Variants in FAP observed in about 807,000 individuals in gnomAD.
The protein encoded by FAP is fibroblast activation protein alpha.
Under a neutral mutation model 126.5 loss-of-function variants are expected in FAP, and 110 were observed. The observed-to-expected ratio is 0.87, with a 90% confidence interval of 0.74 to 1.02. The LOEUF is 1.02. FAP is among the 50% of genes least tolerant of loss of function. FAP has a pLI of 0.00. For synonymous variants in FAP, 334 were observed against 297.3 expected, an observed-to-expected ratio of 1.12 and a Z score of -1.27; for missense variants, 919 against 909.2, an observed-to-expected ratio of 1.01 and a Z score of -0.14.
At chr2:162,225,233 G>A (rs1689587936) in intron 4 of FAP, among the ~76,000 whole-genome samples, 1 of 152,110 alleles carries the variant, frequency 6.6e-6, no homozygotes, top group African/African-American at 2.4e-5. Context: ...CTGACACTAA[G>A]GACTGAGTTC....
At chr2:162,220,521 A>G (rs376935417) in intron 6 of FAP, among the ~76,000 whole-genome samples, 1 of 152,236 alleles carries the variant, frequency 6.6e-6, no homozygotes, top group East Asian at 1.9e-4. Flanking sequence ...ATAAGATGCC[A>G]TTTGACAATC....
At chr2:162,222,421 G>T (rs1689446946) in intron 6 of FAP, among the ~76,000 whole-genome samples, 1 of 152,164 alleles carries the variant, frequency 6.6e-6, no homozygotes, top group Non-Finnish European at 1.5e-5. Flanking sequence ...ACTTTAAAAA[G>T]CAGTTCCTGT....
In FAP at chr2:162,215,970, A is replaced by C; in HGVS notation, c.794T>G (p.Phe265Cys). ...CGCAGGGTAAGTGGTATCGATAATA[A>C]ATATCCGAACAACGGGATTCTTAGC... Reference protein sequence around the residue: ...AGAKNPVVRIFIIDTTYPAYV... With the variant: ...AGAKNPVVRICIIDTTYPAYV... The change falls in exon 10 of 26, where the codon TTT (phenylalanine) becomes TGT (cysteine). Residue 265 changes from phenylalanine to cysteine, a missense_variant. Physicochemically the swap from Phe to Cys is radical, Grantham distance 205. Coordinates refer to ENST00000188790, the MANE Select transcript of FAP (RefSeq NM_004460.5). The C allele has an allele frequency of 1.9e-6, 3 of 1,614,118 alleles. No individual in the cohort carries two copies. The highest frequency in any genetic ancestry group is 2.5e-6 in the Non-Finnish European group (3 of 1,179,970).
At chr2:162,231,366 TG>T (rs1291927452) in intron 2 of FAP, among the ~76,000 whole-genome samples, 1 of 152,230 alleles carries the variant, frequency 6.6e-6, no homozygotes, top group Non-Finnish European at 1.5e-5. Flanking sequence ...TAATATTAAA[TG>T]TAATTACTTG....
intron 17 of FAP, among the ~76,000 whole-genome samples, chr2:162,193,253 A>C (rs573915448): frequency 3.1e-4 from 47 of 152,356 alleles, no homozygotes; most frequent in African/African-American, 9.9e-4. Context: ...GTACCACATT[A>C]AAATCTTTGG....
rs116821857 is a variant in FAP, at chr2:162,204,117, A to G, written c.1048-972T>C. 2.4e-3 allele frequency among the ~76,000 whole-genome samples: 361 copies of G among 152,246 alleles called. 1 individual carries two copies. Among genetic ancestry groups the G allele is most frequent in the African/African-American group, 8.3e-3 (347 of 41,558 alleles). ...CCTCCACATGAGAACTGCATCAAGC[A>G]ACAACAACAAAAAGCTACTAGTATC... is the stretch of plus-strand genomic sequence containing the variant. On this transcript the variant is annotated intron_variant, in intron 12 of 25. Transcript: ENST00000188790.
chr2:162,179,020 C>T (rs1234074514), intron 21 of FAP, among the ~76,000 whole-genome samples: 1 of 152,138 alleles, frequency 6.6e-6, no homozygotes, highest in Non-Finnish European at 1.5e-5. Context: ...TACTACTCTC[C>T]TAGCCCCTTG....
intron 6 of FAP, among the ~76,000 whole-genome samples, chr2:162,220,715 C>T (rs1689352993): frequency 6.6e-6 from 1 of 152,216 alleles, no homozygotes; most frequent in African/African-American, 2.4e-5. Flanking sequence ...TCTGCAAGCA[C>T]TCAAGTGACT....
intron 3 of FAP, 86 bp from the exon 4 acceptor site, chr2:162,225,663 G>A: frequency 7.4e-7 from 1 of 1,359,468 alleles, no homozygotes; most frequent in South Asian, 1.5e-5. Flanking sequence ...CTATTTCACA[G>A]ACCTACTTTG....
chr2:162,213,847 C>T (rs1353796416), intron 11 of FAP, 91 bp downstream of exon 11: 10 of 1,339,050 alleles, frequency 7.5e-6, no homozygotes, highest in African/African-American at 2.9e-5. Flanking sequence ...GTAATCCTGG[C>T]TTTACAACAT....
In FAP at chr2:162,203,146, C is replaced by A; in HGVS notation, c.1048-1G>T. 1 of 1,600,916 alleles carries A rather than the reference C, an allele frequency of 6.2e-7. No homozygotes were observed. The highest frequency in any genetic ancestry group is 8.5e-7 in the Non-Finnish European group (1 of 1,171,874). On this transcript the variant is annotated splice_acceptor_variant, in intron 12 of 25. Coordinates refer to ENST00000188790, the MANE Select transcript of FAP (RefSeq NM_004460.5). LOFTEE classifies it high-confidence loss of function. ...TGAAAACTGGTGTTGAAACAAAGAA[C>A]TGAAAAAAATTAGCAGAGGTTATGT...
chr2:162,229,631 T>C (rs1420623119), intron 2 of FAP, among the ~76,000 whole-genome samples: 1 of 152,176 alleles, frequency 6.6e-6, no homozygotes, highest in Non-Finnish European at 1.5e-5. Flanking sequence ...TTTAAATACC[T>C]ACTCATTTTC....
At chr2:162,176,502 T>C (rs766259211) in intron 21 of FAP, 2 of 152,170 alleles carry the variant, frequency 1.3e-5, no homozygotes, top group Non-Finnish European at 1.5e-5. Flanking sequence ...AAAATCCTTA[T>C]TGCAAGTGAA....
intron 2 of FAP, 113 bp from the exon 3 acceptor site, chr2:162,226,734 G>T: frequency 1.2e-5 from 7 of 585,832 alleles, no homozygotes. Context: ...TCTGCTGTTT[G>T]CTAAGTGGTT....
At chr2:162,202,965 T>C (rs1331139142) in intron 13 of FAP, 23 bp from the exon 14 acceptor site, 15 of 1,609,710 alleles carry the variant, frequency 9.3e-6, no homozygotes, top group Non-Finnish European at 1.3e-5. Context: ...AAACATTATG[T>C]TGTGTGAAAC....
chr2:162,182,797 A>G (rs1279425646), intron 21 of FAP, among the ~76,000 whole-genome samples: 1 of 152,232 alleles, frequency 6.6e-6, no homozygotes, highest in African/African-American at 2.4e-5. Flanking sequence ...TTGCCCATAA[A>G]CGATAAGTTT....
chr2:162,216,009 G>GAA lies in FAP; in HGVS notation c.763-10_763-9dup. ...GGGATTCTTAGCTCCAGCCTGCCAA[G>GAA]AAAATTGAGATATATAAGCTCATAA... On this transcript the variant is annotated splice_polypyrimidine_tract_variant and intron_variant, in intron 9 of 25. Coordinates refer to ENST00000188790, the MANE Select transcript of FAP (RefSeq NM_004460.5). 6.2e-7 allele frequency: 1 copy of GAA among 1,600,370 alleles called. No homozygotes were observed. Among genetic ancestry groups the GAA allele is most frequent in the Non-Finnish European group, 8.6e-7 (1 of 1,167,820 alleles).
intron 6 of FAP, among the ~76,000 whole-genome samples, chr2:162,220,428 G>A (rs1689341326): frequency 6.6e-6 from 1 of 152,184 alleles, no homozygotes. Flanking sequence ...CTATAATTGT[G>A]CTGAAGTTTA....
In FAP at chr2:162,188,214, C is replaced by A. The variant is rs747747073; in HGVS notation, c.1769G>T (p.Arg590Leu). 1.8e-5 allele frequency: 29 copies of A among 1,613,120 alleles called. No individual in the cohort carries two copies. Among genetic ancestry groups the A allele is most frequent in the Non-Finnish European group, 2.4e-5 (28 of 1,179,348 alleles). Residue 590 changes from arginine to leucine, a missense_variant, in exon 20 of 26, where the codon CGA (arginine) becomes CTA (leucine). Physicochemically the swap from Arg to Leu is moderately radical, Grantham distance 102. Coordinates refer to ENST00000188790, the MANE Select transcript of FAP (RefSeq NM_004460.5). ...TTCAACTTCATAAACACCCAGCTTT[C>A]GATACACTGCATAGAGGAGTTTGTC... ...QGDKLLYAVY[R>L]KLGVYEVEDQ...
Sources: gnomAD v4.1 joint callset for allele counts (sites outside exome capture counted in the v4.1 genomes callset) on GRCh38, gnomAD v4.1.1 for gene constraint, MANE v1.5 for transcripts, NCBI Gene and HGNC (gene_info 2026-07-23, HGNC 2026-07-21) for gene names.